The following ADAMTS17 variants were observed in gnomAD, a reference collection of about 807,000 sequenced individuals.
ADAMTS17 encodes the protein A disintegrin and metalloproteinase with thrombospondin motifs 17.
Under a neutral mutation model 141.5 loss-of-function variants are expected in ADAMTS17, and 113 were observed. The ratio of observed to expected loss-of-function variants is 0.80; its 90% confidence interval spans 0.69 to 0.93. ADAMTS17 has a LOEUF of 0.93. ADAMTS17 is among the 40% of genes least tolerant of loss of function. The pLI, the probability that ADAMTS17 is intolerant of heterozygous loss-of-function variation, is 0.00. For missense variants in ADAMTS17, 1,659 were observed against 1,517.9 expected (o/e 1.09, Z -1.54); for synonymous variants, 768 against 630.6 (o/e 1.22, Z -3.27).
chr15:100,314,276 T>G (rs1212887335), intron 3 of ADAMTS17, among the ~76,000 whole-genome samples: 3 of 152,180 alleles, frequency 2.0e-5, no homozygotes, highest in Non-Finnish European at 2.9e-5. Flanking sequence ...AAGAAAGCTA[T>G]AAAAGACATT....
intron 15 of ADAMTS17, among the ~76,000 whole-genome samples, chr15:100,083,462 T>C (rs1304869260): frequency 6.6e-6 from 1 of 152,162 alleles, no homozygotes; most frequent in Non-Finnish European, 1.5e-5. Context: ...CCTAAACCTT[T>C]CAAGAAGTTC....
At chr15:100,234,177 T>C (rs2042581488) in intron 7 of ADAMTS17, among the ~76,000 whole-genome samples, 1 of 151,646 alleles carries the variant, frequency 6.6e-6, no homozygotes, top group African/African-American at 2.4e-5. Context: ...GAAGGTGGAG[T>C]GGACAGGCAT....
chr15:100,232,256 C>A (rs1288391806), intron 7 of ADAMTS17, among the ~76,000 whole-genome samples: 1 of 152,218 alleles, frequency 6.6e-6, no homozygotes, highest in Non-Finnish European at 1.5e-5. Flanking sequence ...GAAGCCAATC[C>A]ACCCGGGCAG....
chr15:100,071,477 G>C (rs891181218), intron 15 of ADAMTS17, among the ~76,000 whole-genome samples: 3 of 150,070 alleles, frequency 2.0e-5, no homozygotes, highest in African/African-American at 7.4e-5. Flanking sequence ...GATGAACATT[G>C]ATGCAAAAAT....
intron 8 of ADAMTS17, among the ~76,000 whole-genome samples, chr15:100,172,816 C>T (rs1404033041): frequency 6.6e-6 from 1 of 152,154 alleles, no homozygotes; most frequent in Non-Finnish European, 1.5e-5. Context: ...CGAGGAGCAC[C>T]CTTTCTGCAG....
intron 14 of ADAMTS17, among the ~76,000 whole-genome samples, chr15:100,101,475 G>A (rs1320795712): frequency 2.0e-5 from 3 of 152,194 alleles, no homozygotes; most frequent in Non-Finnish European, 4.4e-5. Flanking sequence ...TGGGTTTTCT[G>A]CTATGTCTAA....
chr15:100,320,577 A>G (rs1258996865), intron 3 of ADAMTS17, among the ~76,000 whole-genome samples: 1 of 152,242 alleles, frequency 6.6e-6, no homozygotes, highest in Non-Finnish European at 1.5e-5. Context: ...CCACACCTGT[A>G]GTCCCAGCAC....
At chr15:100,024,111 T>G (rs1383702246) in intron 18 of ADAMTS17, among the ~76,000 whole-genome samples, 1 of 152,118 alleles carries the variant, frequency 6.6e-6, no homozygotes, top group African/African-American at 2.4e-5. Context: ...TTGTTGTTGT[T>G]GAGATGGGGT....
intron 7 of ADAMTS17, among the ~76,000 whole-genome samples, chr15:100,245,293 G>A (rs573722793): frequency 6.6e-6 from 1 of 152,240 alleles, no homozygotes; most frequent in East Asian, 1.9e-4. Flanking sequence ...GCCACCTCAA[G>A]GAAGGACACT....
At chr15:100,292,091 A>G (rs2044646273) in intron 3 of ADAMTS17, among the ~76,000 whole-genome samples, 1 of 150,376 alleles carries the variant, frequency 6.6e-6, no homozygotes, top group African/African-American at 2.5e-5. Context: ...GGGAGTCATG[A>G]GAGACGCTCA....
At position 100,259,922 on chromosome 15, in the gene ADAMTS17, G is replaced by A. The variant is rs1435934157; in HGVS notation, c.1031+1557C>T. Among the ~76,000 whole-genome samples, 7 of 152,192 alleles carry A rather than the reference G, an allele frequency of 4.6e-5. 1 individual carries two copies. The East Asian group carries it at 1.4e-3, about 29-fold the overall frequency. ...TGCAATGGCATGATCTCAGTTCACT[G>A]TAACCTCTGCCTCCCCGGTTCAAGC... On this transcript the variant is annotated intron_variant, in intron 6 of 21. Transcript: ENST00000268070.
At chr15:100,226,374 G>A (rs2042314002) in intron 7 of ADAMTS17, among the ~76,000 whole-genome samples, 1 of 152,254 alleles carries the variant, frequency 6.6e-6, no homozygotes, top group South Asian at 2.1e-4. Context: ...GGGAAAAGGA[G>A]GCTTGGCCCT....
chr15:100,325,168 A>C (rs2045860544), intron 3 of ADAMTS17, among the ~76,000 whole-genome samples: 1 of 152,108 alleles, frequency 6.6e-6, no homozygotes, highest in Non-Finnish European at 1.5e-5. Context: ...CTCCGCAATT[A>C]TCCTACAACA....
chr15:100,016,550 G>T (rs1293262226), intron 18 of ADAMTS17, among the ~76,000 whole-genome samples: 1 of 152,198 alleles, frequency 6.6e-6, no homozygotes, highest in Non-Finnish European at 1.5e-5. Context: ...TTTGTCCCAT[G>T]GGGTGTTCCC....
At chr15:99,981,986 A>T (rs730115) in intron 20 of ADAMTS17, among the ~76,000 whole-genome samples, 1,697 of 152,280 alleles carry the variant, frequency 0.011, 31 homozygotes, top group African/African-American at 0.039. Flanking sequence ...GGCAGGGGGA[A>T]GGGGTGCCTG....
At position 99,982,750 on chromosome 15, in the gene ADAMTS17, G is replaced by GAC. The variant is rs577686987; in HGVS notation, c.2950-6529_2950-6528insGT. Among the ~76,000 whole-genome samples the GAC allele has an allele frequency of 3.1e-3, 472 of 152,350 alleles. 2 individuals carry two copies. The highest frequency in any genetic ancestry group is 0.011 in the African/African-American group (441 of 41,576). ...GGCTTCCCAAGATGCAGGTAACTGA[G>GAC]AGAAATGGGGGCAGCAATAAATTTA... On this transcript the variant is annotated intron_variant, in intron 20 of 21. Transcript: ENST00000268070.
At chr15:100,085,822 G>A (rs138855463) in intron 15 of ADAMTS17, among the ~76,000 whole-genome samples, 1,735 of 151,970 alleles carry the variant, frequency 0.011, 38 homozygotes, top group African/African-American at 0.041. Flanking sequence ...CACCAGGCCT[G>A]CCCTACAAGA....
intron 8 of ADAMTS17, among the ~76,000 whole-genome samples, chr15:100,171,384 G>A (rs2040154172): frequency 6.6e-6 from 1 of 152,146 alleles, no homozygotes; most frequent in African/African-American, 2.4e-5. Context: ...GTGGGAGCAG[G>A]GGCAGGAGTG....
At chr15:99,989,802 C>T (rs1452626428) in intron 20 of ADAMTS17, among the ~76,000 whole-genome samples, 2 of 152,102 alleles carry the variant, frequency 1.3e-5, no homozygotes, top group Non-Finnish European at 2.9e-5. Context: ...GGACTGTGCC[C>T]CAGAACCGTG....
Sources: gnomAD v4.1 joint callset for allele counts (sites outside exome capture counted in the v4.1 genomes callset) on GRCh38, gnomAD v4.1.1 for gene constraint, MANE v1.5 for transcripts, NCBI Gene and HGNC (gene_info 2026-07-23, HGNC 2026-07-21) for gene names.